Variants in TECRL observed in about 807,000 individuals in gnomAD.
TECRL encodes trans-2,3-enoyl-CoA reductase like, also known as trans-2,3-enoyl-CoA reductase-like.
In TECRL, 63 loss-of-function variants were observed where a neutral mutation model predicts 52.8. The ratio of observed to expected loss-of-function variants is 1.19; its 90% CI spans 0.97 to 1.47. The LOEUF is 1.47. Among genes scored for constraint, TECRL ranks in the 40% most tolerant of loss-of-function variants. The pLI, the probability that TECRL is intolerant of heterozygous loss-of-function variation, is 0.00. For missense variants in TECRL, 482 were observed against 429.6 expected (o/e 1.12, Z -1.08); for synonymous variants, 164 against 141.9 (o/e 1.16, Z -1.10).
At chr4:64,307,228 G>A (rs1255074751) in intron 6 of TECRL, among the ~76,000 whole-genome samples, 1 of 152,212 alleles carries the variant, frequency 6.6e-6, no homozygotes, top group African/African-American at 2.4e-5. Flanking sequence ...CTTCATTAAT[G>A]TTTCTTGCCC....
chr4:64,315,834 G>A (rs1257639313), intron 4 of TECRL, among the ~76,000 whole-genome samples: 2 of 151,894 alleles, frequency 1.3e-5, no homozygotes, highest in Admixed American at 6.6e-5. Context: ...ACATATGGAG[G>A]TTTCTTCAGT....
chr4:64,293,982 A>T (rs996458602), intron 8 of TECRL, among the ~76,000 whole-genome samples: 3 of 139,154 alleles, frequency 2.2e-5, no homozygotes, highest in Admixed American at 7.3e-5. Flanking sequence ...ATATATATAA[A>T]ATATATATAT....
intron 2 of TECRL, among the ~76,000 whole-genome samples, chr4:64,342,768 AATT>A (rs1347789366): frequency 6.6e-6 from 1 of 152,116 alleles, no homozygotes; most frequent in Non-Finnish European, 1.5e-5. Context: ...ATTACAAAAA[AATT>A]ATTAAGAACT....
At chr4:64,336,399 C>G (rs1719084893) in intron 2 of TECRL, among the ~76,000 whole-genome samples, 1 of 151,682 alleles carries the variant, frequency 6.6e-6, no homozygotes, top group Non-Finnish European at 1.5e-5. Flanking sequence ...TGAATCTTCT[C>G]TCTTCTTTAT....
chr4:64,356,384 G>A (rs1415400942), intron 2 of TECRL, among the ~76,000 whole-genome samples: 2 of 152,036 alleles, frequency 1.3e-5, no homozygotes, highest in Admixed American at 6.6e-5. Flanking sequence ...CCTGCCCCTG[G>A]GAACTGAATG....
intron 1 of TECRL, among the ~76,000 whole-genome samples, chr4:64,391,491 C>A (rs1037438512): frequency 6.6e-6 from 1 of 151,818 alleles, no homozygotes; most frequent in Non-Finnish European, 1.5e-5. Context: ...TGTGTCTACC[C>A]CATTAATAAC....
intron 2 of TECRL, among the ~76,000 whole-genome samples, chr4:64,356,450 G>A (rs4423903): frequency 0.67 from 101,329 of 152,018 alleles, 35,110 homozygotes; most frequent in Non-Finnish European, 0.76. Flanking sequence ...GAGAAAAACC[G>A]CCCTGTGGTG....
chr4:64,334,502 C>G (rs1718904716), intron 2 of TECRL, among the ~76,000 whole-genome samples: 1 of 152,182 alleles, frequency 6.6e-6, no homozygotes, highest in Non-Finnish European at 1.5e-5. Flanking sequence ...TATTTCCGCT[C>G]TCATTCTCAA....
At chr4:64,374,776 G>A (rs1455589260) in intron 2 of TECRL, among the ~76,000 whole-genome samples, 2 of 152,094 alleles carry the variant, frequency 1.3e-5, no homozygotes, top group Non-Finnish European at 2.9e-5. Context: ...ATTCCATGGT[G>A]TGTATGTGCC....
intron 4 of TECRL, among the ~76,000 whole-genome samples, chr4:64,320,641 A>AAATTTCTAATGATTTCTAATTTCT (rs1454605806): frequency 6.6e-6 from 1 of 152,048 alleles, no homozygotes; most frequent in Non-Finnish European, 1.5e-5. Context: ...GATGAAGCTG[A>AAATTTCTAATGATTTCTAATTTCT]AATTTCTAAT....
At chr4:64,321,085 T>G (rs1048852848) in intron 4 of TECRL, among the ~76,000 whole-genome samples, 1 of 152,124 alleles carries the variant, frequency 6.6e-6, no homozygotes, top group African/African-American at 2.4e-5. Context: ...TTTTCTCACC[T>G]TTGTGGGCAT....
intron 7 of TECRL, among the ~76,000 whole-genome samples, chr4:64,302,150 G>T (rs1007287582): frequency 6.6e-6 from 1 of 151,248 alleles, no homozygotes; most frequent in South Asian, 2.1e-4. Context: ...TCATTTAGTT[G>T]TATTTAACTA....
intron 9 of TECRL, among the ~76,000 whole-genome samples, chr4:64,285,245 T>C (rs1723022939): frequency 6.6e-6 from 1 of 152,086 alleles, no homozygotes; most frequent in Non-Finnish European, 1.5e-5. Flanking sequence ...AACTTATCTG[T>C]CTCCAGTCAT....
chr4:64,381,729 C>T (rs1017274625), intron 1 of TECRL, among the ~76,000 whole-genome samples: 1 of 151,804 alleles, frequency 6.6e-6, no homozygotes, highest in Non-Finnish European at 1.5e-5. Context: ...TACATTTATT[C>T]CTGGAATAAA....
rs113589498 is a variant in TECRL, at chr4:64,300,797, A to G, written c.731-780T>C. ...GCGTTTTTCACCTAACAATATATTT[A>G]AAGATTTCTCAATAGTATTAAACAC... On this transcript the variant is annotated intron_variant, in intron 7 of 11. Transcript: ENST00000381210. 8.9e-3 allele frequency among the ~76,000 whole-genome samples: 1,345 copies of G among 151,106 alleles called. 18 individuals carry two copies. The highest frequency in any genetic ancestry group is 0.031 in the African/African-American group (1,281 of 41,470).
At chr4:64,333,701 T>C (rs1413729738) in intron 2 of TECRL, among the ~76,000 whole-genome samples, 1 of 152,046 alleles carries the variant, frequency 6.6e-6, no homozygotes, top group Non-Finnish European at 1.5e-5. Context: ...GGGAATGGAA[T>C]GCTAAATAGG....
chr4:64,314,285 T>C (rs1290385862), intron 5 of TECRL, among the ~76,000 whole-genome samples: 1 of 152,160 alleles, frequency 6.6e-6, no homozygotes, highest in Non-Finnish European at 1.5e-5. Flanking sequence ...TAAATATATT[T>C]TTAGGGAAGC....
At chr4:64,407,135 A>G (rs1050117509) in intron 1 of TECRL, among the ~76,000 whole-genome samples, 5 of 152,066 alleles carry the variant, frequency 3.3e-5, no homozygotes, top group Admixed American at 6.6e-5. Context: ...CTCAGACATC[A>G]AAGATTTGAA....
At chr4:64,284,244 A>G (rs1308565783) in intron 9 of TECRL, among the ~76,000 whole-genome samples, 1 of 152,138 alleles carries the variant, frequency 6.6e-6, no homozygotes, top group Non-Finnish European at 1.5e-5. Context: ...ATGGCCCACA[A>G]TAAGCAAAGA....
Sources: allele counts gnomAD v4.1 joint callset (sites outside exome capture counted in the v4.1 genomes callset), GRCh38; gene constraint gnomAD v4.1.1; transcripts MANE v1.5; gene names NCBI Gene and HGNC (gene_info 2026-07-23, HGNC 2026-07-21).